Variants in USH2A observed in about 807,000 individuals in gnomAD.
USH2A encodes usherin, also known as Usher syndrome 2A (autosomal recessive, mild).
USH2A carries 443 observed loss-of-function variants against 538.9 expected under a neutral mutation model. The ratio of observed to expected loss-of-function variants is 0.82; its 90% CI spans 0.76 to 0.89. USH2A has a LOEUF of 0.89. Among genes scored for constraint, USH2A ranks in the 40% least tolerant of loss-of-function variants. The probability of loss-of-function intolerance (pLI) is 0.00; values close to 1 mark genes in which losing one functional copy is unlikely to be tolerated. For missense variants in USH2A, 6,633 were observed against 6,324.8 expected (o/e 1.05, Z -1.65); for synonymous variants, 2,413 against 2,273.5 (o/e 1.06, Z -1.75).
chr1:215,755,200 T>C (rs1203733266), intron 58 of USH2A, among the ~76,000 whole-genome samples: 2 of 152,202 alleles, frequency 1.3e-5, no homozygotes, highest in Non-Finnish European at 2.9e-5. Context: ...TCTTATTCAG[T>C]AAATTTGGGG....
At chr1:216,048,717 A>G in intron 30 of USH2A, 70 bp from the exon 31 acceptor site, 1 of 1,258,780 alleles carries the variant, frequency 7.9e-7, no homozygotes, top group South Asian at 1.2e-5. Flanking sequence ...TTGTGTGTAT[A>G]TCTGTGTGTG....
chr1:215,628,141 C>T (rs1656125778), intron 71 of USH2A, among the ~76,000 whole-genome samples: 1 of 150,140 alleles, frequency 6.7e-6, no homozygotes, highest in Non-Finnish European at 1.5e-5. Context: ...TGCGTCTACC[C>T]ATACACCAAT....
At chr1:215,872,917 G>A (rs1045458292) in intron 43 of USH2A, among the ~76,000 whole-genome samples, 2 of 151,882 alleles carry the variant, frequency 1.3e-5, no homozygotes, top group Non-Finnish European at 2.9e-5. Context: ...TTCCACCACG[G>A]GTAAAAGCTC....
chr1:216,412,133 G>A lies in USH2A; in HGVS notation c.651+6381C>T, dbSNP rs558743659. ...TTATATGTTCAAATTTATGGTGTAA[G>A]CTAAATAGGCCAAGTTTGTTTGTTT... On this transcript the variant is annotated intron_variant, in intron 3 of 71. Coordinates refer to ENST00000307340, the MANE Select transcript of USH2A (RefSeq NM_206933.4). Among the ~76,000 whole-genome samples, 8 of 152,170 alleles carry A rather than the reference G, an allele frequency of 5.3e-5. No homozygotes were observed. The South Asian group carries it at 1.7e-3, about 32-fold the overall frequency.
intron 21 of USH2A, among the ~76,000 whole-genome samples, chr1:216,127,739 A>C (rs190144204): frequency 6.6e-6 from 1 of 152,312 alleles, no homozygotes; most frequent in East Asian, 1.9e-4. Context: ...AGTAAGTTTC[A>C]AAGGATTCAA....
At chr1:216,088,199 T>C (rs2032193625) in intron 23 of USH2A, among the ~76,000 whole-genome samples, 2 of 152,098 alleles carry the variant, frequency 1.3e-5, no homozygotes, top group African/African-American at 4.8e-5. Flanking sequence ...CTTTGTCCCT[T>C]TAGGTCTCTG....
At chr1:215,630,939 T>G (rs746611363) in intron 70 of USH2A, among the ~76,000 whole-genome samples, 1 of 152,074 alleles carries the variant, frequency 6.6e-6, no homozygotes, top group African/African-American at 2.4e-5. Flanking sequence ...AGTATTTGTT[T>G]AGTATTGCAG....
At chr1:215,982,905 C>T (rs891859142) in intron 35 of USH2A, among the ~76,000 whole-genome samples, 4 of 152,052 alleles carry the variant, frequency 2.6e-5, no homozygotes, top group Non-Finnish European at 4.4e-5. Flanking sequence ...GGGTAGGATA[C>T]GTAATAGGGC....
At chr1:216,028,505 A>G (rs1669021272) in intron 32 of USH2A, among the ~76,000 whole-genome samples, 1 of 152,154 alleles carries the variant, frequency 6.6e-6, no homozygotes, top group Non-Finnish European at 1.5e-5. Flanking sequence ...ATATTTATCT[A>G]TTCTTGAAGT....
chr1:216,358,009 C>A (rs2038420771), intron 4 of USH2A, among the ~76,000 whole-genome samples: 1 of 152,092 alleles, frequency 6.6e-6, no homozygotes, highest in South Asian at 2.1e-4. Flanking sequence ...TCAGCCTGAT[C>A]AAATCAGATT....
intron 32 of USH2A, among the ~76,000 whole-genome samples, chr1:216,032,809 A>C (rs553835609): frequency 1.3e-5 from 2 of 152,156 alleles, no homozygotes; most frequent in African/African-American, 4.8e-5. Context: ...ACATGGAAAC[A>C]GGGACCTTGG....
At chr1:215,742,025 G>A (rs949929829) in intron 59 of USH2A, among the ~76,000 whole-genome samples, 5 of 152,134 alleles carry the variant, frequency 3.3e-5, no homozygotes, top group Admixed American at 1.3e-4. Flanking sequence ...TCAGGGACAC[G>A]GAGATGCAGA....
intron 44 of USH2A, among the ~76,000 whole-genome samples, chr1:215,852,401 T>C (rs956200977): frequency 6.6e-6 from 1 of 152,132 alleles, no homozygotes; most frequent in African/African-American, 2.4e-5. Flanking sequence ...CCATAACACA[T>C]GGGAATTCTG....
At chr1:216,125,977 G>C (rs1047097003) in intron 21 of USH2A, among the ~76,000 whole-genome samples, 2 of 152,088 alleles carry the variant, frequency 1.3e-5, no homozygotes, top group Non-Finnish European at 2.9e-5. Context: ...ATGATGTGTT[G>C]GGTTAATTTT....
intron 13 of USH2A, among the ~76,000 whole-genome samples, chr1:216,233,828 T>C (rs369612217): frequency 2.6e-5 from 4 of 152,222 alleles, no homozygotes; most frequent in African/African-American, 9.6e-5. Flanking sequence ...AGCAGGCATA[T>C]GAGGGAGAAA....
chr1:216,041,346 C>G (rs1006695014), intron 32 of USH2A, among the ~76,000 whole-genome samples: 3 of 151,868 alleles, frequency 2.0e-5, no homozygotes, highest in Admixed American at 6.6e-5. Context: ...CAAGGTGCAG[C>G]AATGCCTTTG....
At chr1:215,627,434 TTCCTTCCTTCCTTCCTTCCTTCC>T (rs1656083467) in intron 71 of USH2A, among the ~76,000 whole-genome samples, 2 of 102,708 alleles carry the variant, frequency 1.9e-5, no homozygotes, top group African/African-American at 7.3e-5. Context: ...CCTTCCTTCC[TTCCTTCCTTCCTTCCTTCCTTCC>T]TTCCTTCCTT....
chr1:216,047,300 A>G (rs1444273791), intron 31 of USH2A, among the ~76,000 whole-genome samples: 1 of 152,142 alleles, frequency 6.6e-6, no homozygotes, highest in East Asian at 1.9e-4. Flanking sequence ...TACCAGGTAA[A>G]CCCTGGACAA....
intron 39 of USH2A, 103 bp from the exon 40 acceptor site, chr1:215,900,320 A>C (rs750323456): frequency 2.7e-5 from 33 of 1,213,588 alleles, no homozygotes; most frequent in Non-Finnish European, 3.8e-5. Context: ...GTCAACATAC[A>C]TTTAAGTATT....
Sources: gnomAD v4.1 joint callset for allele counts (sites outside exome capture counted in the v4.1 genomes callset) on GRCh38, gnomAD v4.1.1 for gene constraint, MANE v1.5 for transcripts, NCBI Gene and HGNC (gene_info 2026-07-23, HGNC 2026-07-21) for gene names.